Variants in ARHGAP32 observed in about 807,000 individuals in gnomAD.
ARHGAP32 encodes the protein Rho GTPase activating protein 32.
ARHGAP32 carries 51 observed loss-of-function variants against 186.5 expected under a neutral mutation model. That is an observed-to-expected ratio of 0.27 (90% CI 0.22 to 0.35). The LOEUF is 0.35. Ranked by LOEUF, ARHGAP32 falls within the 10% of genes least tolerant of loss-of-function variation. ARHGAP32 has a pLI of 1.00. For synonymous variants in ARHGAP32, 950 were observed against 964.3 expected (o/e 0.99, Z 0.27); for missense variants, 2,186 against 2,623.5 (o/e 0.83, Z 3.64).
At chr11:129,193,551 T>A (rs1408144189), upstream of ARHGAP32, among the ~76,000 whole-genome samples, 1 of 16,946 alleles carries the variant, frequency 5.9e-5, no homozygotes, top group East Asian at 1.1e-3. Flanking sequence ...TTATATATAA[T>A]ATATATATAT....
At chr11:129,243,027 C>G (rs1463149218) in intron 1 of ARHGAP32, among the ~76,000 whole-genome samples, 2 of 152,278 alleles carry the variant, frequency 1.3e-5, no homozygotes, top group East Asian at 3.9e-4. Flanking sequence ...TATTCTTCAA[C>G]TCTCTAGCCA....
chr11:129,247,067 T>A (rs977404283), intron 1 of ARHGAP32, among the ~76,000 whole-genome samples: 2 of 152,314 alleles, frequency 1.3e-5, no homozygotes, highest in South Asian at 4.1e-4. Context: ...TAGTAGCAAG[T>A]CTCATTCATC....
intron 15 of ARHGAP32, 93 bp from the exon 16 acceptor site, chr11:128,982,029 G>A: frequency 1.3e-6 from 1 of 760,664 alleles, no homozygotes; most frequent in Non-Finnish European, 2.1e-6. Context: ...GTTTGCAATA[G>A]CAAAATGAAG....
chr11:129,029,655 T>A (rs932536271), intron 11 of ARHGAP32, among the ~76,000 whole-genome samples: 8 of 151,562 alleles, frequency 5.3e-5, no homozygotes, highest in African/African-American at 1.9e-4. Context: ...TACAAAAAAT[T>A]AGCCGGGCGT....
intron 1 of ARHGAP32, among the ~76,000 whole-genome samples, chr11:129,232,940 C>T (rs1167695079): frequency 6.6e-6 from 1 of 152,154 alleles, no homozygotes; most frequent in African/African-American, 2.4e-5. Context: ...AGATCTCTTC[C>T]AGTTGCAGAT....
intron 1 of ARHGAP32, among the ~76,000 whole-genome samples, chr11:129,212,937 TA>T (rs1431558613): frequency 1.3e-5 from 2 of 151,872 alleles, no homozygotes; most frequent in Non-Finnish European, 2.9e-5. Flanking sequence ...TCAATTTTCA[TA>T]TAAATAAACA....
chr11:129,192,862 C>A (rs368202580), upstream of ARHGAP32, among the ~76,000 whole-genome samples: 21 of 152,260 alleles, frequency 1.4e-4, no homozygotes, highest in Non-Finnish European at 2.2e-4. Context: ...GTTTAAGTGT[C>A]CCAAGTTCAA....
chr11:129,237,419 C>T (rs1357207601), intron 1 of ARHGAP32, among the ~76,000 whole-genome samples: 1 of 152,146 alleles, frequency 6.6e-6, no homozygotes, highest in East Asian at 1.9e-4. Flanking sequence ...CTCCCAGGGA[C>T]TTTACATTCT....
At chr11:129,126,729 A>T (rs545200140) in intron 2 of ARHGAP32, among the ~76,000 whole-genome samples, 1 of 152,320 alleles carries the variant, frequency 6.6e-6, no homozygotes, top group Admixed American at 6.5e-5. Context: ...AATTGAGTGA[A>T]CAATATATTT....
At chr11:129,242,894 A>T (rs1272120199) in intron 1 of ARHGAP32, among the ~76,000 whole-genome samples, 1 of 152,030 alleles carries the variant, frequency 6.6e-6, no homozygotes, top group Non-Finnish European at 1.5e-5. Flanking sequence ...AACAACGTTC[A>T]GCTCCCAAAC....
intron 6 of ARHGAP32, among the ~76,000 whole-genome samples, chr11:129,086,259 T>C (rs974871602): frequency 6.6e-6 from 1 of 152,126 alleles, no homozygotes; most frequent in Non-Finnish European, 1.5e-5. Context: ...ACACAGACCT[T>C]ACACCTTTTA....
At chr11:129,193,696 ATATATAATATATAT>A (rs1565464962), upstream of ARHGAP32, among the ~76,000 whole-genome samples, 13 of 23,928 alleles carry the variant, frequency 5.4e-4, no homozygotes, top group East Asian at 9.5e-4. Context: ...ATATTATATA[ATATATAATATATAT>A]TATATATTAT....
intron 11 of ARHGAP32, among the ~76,000 whole-genome samples, chr11:129,026,449 G>A (rs4381383): frequency 1 from 151,906 of 152,272 alleles, 75,772 homozygotes; most frequent in Middle Eastern, 1. Context: ...AGAGGCAAAA[G>A]GAGAATTCAC....
At chr11:129,025,489 T>G (rs529801064) in intron 11 of ARHGAP32, among the ~76,000 whole-genome samples, 1 of 152,132 alleles carries the variant, frequency 6.6e-6, no homozygotes, top group Non-Finnish European at 1.5e-5. Context: ...CTGCAGATTA[T>G]TGAATTTAGC....
upstream of ARHGAP32, among the ~76,000 whole-genome samples, chr11:129,194,906 T>G: frequency 6.7e-6 from 1 of 148,232 alleles, no homozygotes; most frequent in African/African-American, 2.4e-5. Context: ...TAGTTCTTTT[T>G]TTTCTAAACA....
intron 5 of ARHGAP32, among the ~76,000 whole-genome samples, chr11:129,117,942 A>G (rs1023034115): frequency 8.5e-5 from 13 of 152,086 alleles, no homozygotes; most frequent in African/African-American, 3.1e-4. Flanking sequence ...AACAGGGAAA[A>G]TAAGTGCAGT....
intron 6 of ARHGAP32, among the ~76,000 whole-genome samples, chr11:129,069,985 T>A (rs546410417): frequency 3.2e-4 from 48 of 152,086 alleles, no homozygotes; most frequent in Non-Finnish European, 5.4e-4. Flanking sequence ...AAGGTAATCT[T>A]TGCTAGTTGG....
chr11:129,184,434 T>C (rs1464657581), intron 1 of ARHGAP32, among the ~76,000 whole-genome samples: 7 of 152,144 alleles, frequency 4.6e-5, no homozygotes, highest in Non-Finnish European at 1.0e-4. Context: ...TAAAAATACC[T>C]TGTGTGTATG....
At position 128,966,836 on chromosome 11, in the gene ARHGAP32, G is replaced by C. The variant is rs115747923; in HGVS notation, c.*2071C>G. ...GCTGGTGTGGTCTCCAAGGGGCAAT[G>C]GGTTGCCTACTTGACAAGAATATGA... On this transcript the variant is annotated 3_prime_UTR_variant, in exon 23 of 23. Transcript: ENST00000682385. The C allele has an allele frequency of 6.6e-6, 1 of 152,100 alleles. No individual in the cohort carries two copies. Among genetic ancestry groups the C allele is most frequent in the Non-Finnish European group, 1.5e-5 (1 of 68,026 alleles). 9.4% of individuals were successfully genotyped at this position (152,100 alleles called of 1,614,324 possible).
Sources: allele counts gnomAD v4.1 joint callset (sites outside exome capture counted in the v4.1 genomes callset), GRCh38; gene constraint gnomAD v4.1.1; transcripts MANE v1.5; gene names NCBI Gene and HGNC (gene_info 2026-07-23, HGNC 2026-07-21).